COL23A1: variants seen among roughly 807,000 people sequenced by gnomAD.
COL23A1 encodes collagen type XXIII alpha 1 chain, also known as collagen alpha-1(XXIII) chain.
Under a neutral mutation model 99.3 loss-of-function variants are expected in COL23A1, and 97 were observed. That is an observed-to-expected ratio of 0.98 (90% confidence interval 0.83 to 1.16). COL23A1 has a LOEUF of 1.16. COL23A1 is among the 50% of genes most tolerant of loss of function. COL23A1 has a pLI of 0.00. For synonymous variants in COL23A1, 320 were observed against 308.2 expected (o/e 1.04, Z -0.40); for missense variants, 762 against 757.4 (o/e 1.01, Z -0.07).
At chr5:178,290,230 C>T in intron 4 of COL23A1, 132 bp downstream of exon 4, 1 of 1,316,542 alleles carries the variant, frequency 7.6e-7, no homozygotes, top group Non-Finnish European at 1.1e-6. Context: ...CCGCACCTGG[C>T]CACTTTTTAA....
intron 5 of COL23A1, 91 bp downstream of exon 5, chr5:178,288,233 G>A: frequency 4.6e-6 from 5 of 1,087,302 alleles, no homozygotes; most frequent in Non-Finnish European, 7.2e-6. Context: ...GAAGAGACAG[G>A]AGCGCAGACA....
intron 5 of COL23A1, 52 bp from the exon 6 acceptor site, chr5:178,270,415 T>C: frequency 1.2e-6 from 2 of 1,603,996 alleles, no homozygotes; most frequent in South Asian, 1.1e-5. Flanking sequence ...TGACACTTCC[T>C]CCATGTCTTA....
rs1047388284 is a variant in COL23A1, at chr5:178,307,936, A to G, written c.362-1017T>C. Among the ~76,000 whole-genome samples the G allele has an allele frequency of 1.3e-5, 2 of 152,146 alleles. No individual in the cohort carries two copies. Among genetic ancestry groups the G allele is most frequent in the Non-Finnish European group, 2.9e-5 (2 of 68,032 alleles). On this transcript the variant is annotated intron_variant, in intron 2 of 28. Transcript: ENST00000390654. The surrounding 1 kb of genome is among the most constrained non-coding windows in gnomAD (Gnocchi z 4.2). ...TCAAACCCCGTCAAGAATTTCCAGA[A>G]CAACCACGAAGGAGATGCAGGAGAC...
At position 178,382,925 on chromosome 5, in the gene COL23A1, G is replaced by A. The variant is rs796660913; in HGVS notation, c.362-76006C>T. 3.9e-5 allele frequency among the ~76,000 whole-genome samples: 6 copies of A among 152,292 alleles called. 1 individual carries two copies. Among genetic ancestry groups the A allele is most frequent in the African/African-American group, 1.4e-4 (6 of 41,572 alleles). On this transcript the variant is annotated intron_variant, in intron 2 of 28. Transcript: ENST00000390654. ...TGAAACCAGGTGGCAACCAGGGGGT[G>A]GGGAGGAGCTGAGGACAGGAGGGAG...
At chr5:178,373,998 T>C (rs1165201200) in intron 2 of COL23A1, among the ~76,000 whole-genome samples, 1 of 152,152 alleles carries the variant, frequency 6.6e-6, no homozygotes, top group Non-Finnish European at 1.5e-5. Context: ...CTTCAACTTC[T>C]CAGTTTTCTC....
chr5:178,577,077 G>A (rs1389281556), intron 1 of COL23A1, among the ~76,000 whole-genome samples: 1 of 152,128 alleles, frequency 6.6e-6, no homozygotes, highest in Non-Finnish European at 1.5e-5. Context: ...CCCTGTCGCC[G>A]TCTGCGCCTC....
chr5:178,405,267 G>C (rs1043554106), intron 2 of COL23A1, among the ~76,000 whole-genome samples: 1 of 152,244 alleles, frequency 6.6e-6, no homozygotes, highest in Non-Finnish European at 1.5e-5. Flanking sequence ...TTGTGAGTCA[G>C]TAAGTTCTCT....
At chr5:178,529,195 T>A (rs1433035625) in intron 2 of COL23A1, among the ~76,000 whole-genome samples, 1 of 152,220 alleles carries the variant, frequency 6.6e-6, no homozygotes, top group Non-Finnish European at 1.5e-5. Context: ...CTGGGCTTCT[T>A]TACGTCTGGG....
At chr5:178,335,180 TAATTA>T (rs1283820139) in intron 2 of COL23A1, among the ~76,000 whole-genome samples, 2 of 152,238 alleles carry the variant, frequency 1.3e-5, no homozygotes, top group African/African-American at 4.8e-5. Context: ...CAATGTTTCC[TAATTA>T]AAAATGAAAG....
chr5:178,326,868 T>C (rs77637155), intron 2 of COL23A1, among the ~76,000 whole-genome samples: 5,645 of 152,218 alleles, frequency 0.037, 241 homozygotes, highest in East Asian at 0.22. Context: ...TACAGGCGCC[T>C]GCCACCACGC....
At chr5:178,549,832 A>G (rs1240279317) in intron 2 of COL23A1, among the ~76,000 whole-genome samples, 1 of 152,144 alleles carries the variant, frequency 6.6e-6, no homozygotes, top group Admixed American at 6.5e-5. Context: ...CAAAACAAAA[A>G]CAAAAACAAA....
chr5:178,537,757 G>A (rs995470254), intron 2 of COL23A1, among the ~76,000 whole-genome samples: 5 of 152,222 alleles, frequency 3.3e-5, no homozygotes, highest in Admixed American at 6.5e-5. Context: ...GTGGTGAAAC[G>A]TGCGCGGCAC....
intron 2 of COL23A1, among the ~76,000 whole-genome samples, chr5:178,539,545 C>CAAAAAAAAAAAAAA (rs58424731): frequency 1.6e-3 from 126 of 78,330 alleles, no homozygotes; most frequent in South Asian, 2.4e-3. Flanking sequence ...GACTCTGTCT[C>CAAAAAAAAAAAAAA]AAAAAAAAAA....
At chr5:178,357,209 C>A (rs1486868618) in intron 2 of COL23A1, among the ~76,000 whole-genome samples, 2 of 152,222 alleles carry the variant, frequency 1.3e-5, no homozygotes, top group African/African-American at 4.8e-5. Flanking sequence ...CTTGAGGGCG[C>A]CTGCCCAGTG....
chr5:178,414,410 TA>T (rs11332594), intron 2 of COL23A1, among the ~76,000 whole-genome samples: 101,564 of 148,570 alleles, frequency 0.68, 35,953 homozygotes, highest in African/African-American at 0.91. Flanking sequence ...ATCCTTTTTT[TA>T]AAAAAAAAAA....
chr5:178,416,474 C>T (rs1033645725), intron 2 of COL23A1, among the ~76,000 whole-genome samples: 1 of 152,126 alleles, frequency 6.6e-6, no homozygotes, highest in South Asian at 2.1e-4. Context: ...TGGGAGTGAG[C>T]CCGGAGGGGT....
intron 2 of COL23A1, among the ~76,000 whole-genome samples, chr5:178,374,247 G>A (rs557555375): frequency 6.6e-6 from 1 of 152,108 alleles, no homozygotes; most frequent in Non-Finnish European, 1.5e-5. Flanking sequence ...CCCAGCCTCT[G>A]CACACCCTTC....
intron 16 of COL23A1, 117 bp from the exon 17 acceptor site, chr5:178,252,714 G>T: frequency 1.2e-6 from 1 of 825,140 alleles, no homozygotes; most frequent in Non-Finnish European, 1.9e-6. Context: ...GCAGGGGCAG[G>T]GTCCTTGGGG....
At chr5:178,455,369 C>T (rs1767720804) in intron 2 of COL23A1, among the ~76,000 whole-genome samples, 1 of 152,174 alleles carries the variant, frequency 6.6e-6, no homozygotes, top group Admixed American at 6.5e-5. Context: ...GGAGGGCTGC[C>T]CGCCTGACCC....
Sources: gnomAD v4.1 joint callset for allele counts (sites outside exome capture counted in the v4.1 genomes callset) on GRCh38, gnomAD v4.1.1 for gene constraint, Gnocchi (gnomAD v3.1) non-coding constraint, MANE v1.5 for transcripts, NCBI Gene and HGNC (gene_info 2026-07-23, HGNC 2026-07-21) for gene names.